The following CEP152 variants were observed in gnomAD, a reference collection of about 807,000 sequenced individuals.
CEP152 encodes centrosomal protein of 152 kDa.
Under a neutral mutation model 188.9 loss-of-function variants are expected in CEP152, and 132 were observed. That is an observed-to-expected ratio of 0.70 (90% CI 0.61 to 0.81). The LOEUF (loss-of-function observed/expected upper bound fraction) is 0.81. Among genes scored for constraint, CEP152 ranks in the 30% least tolerant of loss-of-function variants. CEP152 has a pLI of 0.00. For missense variants in CEP152, 1,914 were observed against 1,969.8 expected (o/e 0.97, Z 0.54); for synonymous variants, 649 against 666.6 (o/e 0.97, Z 0.41).
intron 6 of CEP152, among the ~76,000 whole-genome samples, chr15:48,794,830 A>G (rs1215128348): frequency 6.6e-6 from 1 of 152,242 alleles, no homozygotes; most frequent in Non-Finnish European, 1.5e-5. Context: ...CAAAAAACTT[A>G]AGAACAAAGA....
intron 2 of CEP152, among the ~76,000 whole-genome samples, chr15:48,803,979 T>G (rs1897826531): frequency 1.3e-5 from 2 of 152,218 alleles, no homozygotes; most frequent in Admixed American, 1.3e-4. Flanking sequence ...CCACAATTGT[T>G]GTGAGGGGCC....
chr15:48,734,190 AATATATAC>A (rs1290390393), downstream of CEP152, among the ~76,000 whole-genome samples: 1 of 150,782 alleles, frequency 6.6e-6, no homozygotes, highest in Non-Finnish European at 1.5e-5. Flanking sequence ...ATAACACTGT[AATATATAC>A]ATATATACAT....
chr15:48,748,642 A>C (rs2140618065), intron 21 of CEP152, 32 bp from the exon 22 acceptor site: 1 of 1,433,786 alleles, frequency 7.0e-7, no homozygotes, highest in East Asian at 2.6e-5. Context: ...AAACTTTTAT[A>C]TCAGTTTAGA....
chr15:48,806,363 T>C (rs780609295), intron 1 of CEP152, among the ~76,000 whole-genome samples: 2 of 151,968 alleles, frequency 1.3e-5, no homozygotes, highest in Non-Finnish European at 2.9e-5. Flanking sequence ...AGGAAATGGG[T>C]TTTCAACTAC....
At chr15:48,770,058 TG>T (rs1404838488) in intron 13 of CEP152, among the ~76,000 whole-genome samples, 3 of 152,270 alleles carry the variant, frequency 2.0e-5, no homozygotes, top group African/African-American at 4.8e-5. Flanking sequence ...CAGATTTATC[TG>T]TTCATTTAAC....
chr15:48,804,211 G>T (rs1374073504), intron 2 of CEP152, among the ~76,000 whole-genome samples: 2 of 152,232 alleles, frequency 1.3e-5, no homozygotes, highest in Non-Finnish European at 2.9e-5. Flanking sequence ...GGCTTTGGAT[G>T]TTTTTTAGAT....
Position 48,793,227 on chromosome 15 carries a change from T to G in CEP152, c.832+94A>C, listed in dbSNP as rs1897095352. The G allele has an allele frequency of 3.4e-6, 5 of 1,486,010 alleles. No individual in the cohort carries two copies. The South Asian group carries it at 5.7e-5, about 17-fold the overall frequency. 92.1% of individuals were successfully genotyped at this position (1,486,010 alleles called of 1,614,324 possible). A position where few individuals can be genotyped will look rare whatever the true frequency, so the allele number is the denominator to read the frequency against. On this transcript the variant is annotated intron_variant, in intron 7 of 26. Coordinates refer to ENST00000380950, the MANE Select transcript of CEP152 (RefSeq NM_001194998.2). The stretch of plus-strand genomic sequence containing the variant: ...CACTATGAGCCCTCTGACCAAGTGT[T>G]TTTACTCTCTAAGCTTCGTATGTAA...
intron 6 of CEP152, among the ~76,000 whole-genome samples, chr15:48,794,097 C>A (rs573604170): frequency 6.6e-5 from 10 of 152,004 alleles, no homozygotes; most frequent in Non-Finnish European, 1.2e-4. Context: ...GTACTATGTT[C>A]ACTATTTGGG....
intron 5 of CEP152, 102 bp from the exon 6 acceptor site, chr15:48,796,262 G>C: frequency 4.8e-6 from 6 of 1,241,598 alleles, no homozygotes; most frequent in Non-Finnish European, 6.9e-6. Context: ...ACTTACTTTT[G>C]GTACAGTTCA....
intron 18 of CEP152, among the ~76,000 whole-genome samples, chr15:48,760,564 T>C (rs2140702997): frequency 6.6e-6 from 1 of 152,282 alleles, no homozygotes; most frequent in South Asian, 2.1e-4. Context: ...TAACAACTCC[T>C]ATTTATCCTG....
intron 8 of CEP152, among the ~76,000 whole-genome samples, chr15:48,790,768 A>G (rs1896942750): frequency 6.6e-6 from 1 of 152,086 alleles, no homozygotes; most frequent in East Asian, 1.9e-4. Flanking sequence ...GGGTTTCACA[A>G]TGTTGGCCAG....
chr15:48,742,260 A>C (rs541209484), intron 24 of CEP152, among the ~76,000 whole-genome samples, 160 bp from the exon 25 acceptor site: 15 of 152,282 alleles, frequency 9.9e-5, no homozygotes, highest in African/African-American at 3.6e-4. Flanking sequence ...AATATTTTAG[A>C]TCATCATTTT....
intron 26 of CEP152, 167 bp downstream of exon 26, chr15:48,741,434 T>C (rs553411112): frequency 6.8e-7 from 1 of 1,474,362 alleles, no homozygotes; most frequent in East Asian, 2.5e-5. Flanking sequence ...CTACTTAAAT[T>C]GGAAACTGTG....
At chr15:48,808,869 A>T (rs1051408598) in intron 1 of CEP152, among the ~76,000 whole-genome samples, 1 of 152,180 alleles carries the variant, frequency 6.6e-6, no homozygotes, top group Non-Finnish European at 1.5e-5. Flanking sequence ...CTCAAGGCTG[A>T]CCACTTGAGA....
In CEP152 at chr15:48,738,486, A is replaced by T; in HGVS notation, c.4896T>A (p.Cys1632Ter). The T allele has an allele frequency of 6.2e-7, 1 of 1,614,238 alleles. No individual in the cohort carries two copies. The highest frequency in any genetic ancestry group is 8.5e-7 in the Non-Finnish European group (1 of 1,180,040). ...ACAGGTATGGAGTTTGATAACGCTG[A>T]CATTTCATTGTTTGACAAATCATAT... ...ESNMICQTMK[C>*]QRYQTPYLSE... Residue 1632 changes from cysteine to a stop codon, truncating the protein, a stop_gained, in exon 27 of 27, where the codon TGT becomes TGA. Transcript: ENST00000380950. LOFTEE classifies it low-confidence loss of function (END_TRUNC).
At chr15:48,783,038 A>G (rs1162824947) in intron 10 of CEP152, among the ~76,000 whole-genome samples, 3 of 152,142 alleles carry the variant, frequency 2.0e-5, no homozygotes, top group African/African-American at 7.2e-5. Context: ...TGAATAGCCC[A>G]CCCTTTCACA....
chr15:48,773,837 A>G (rs547660048), intron 12 of CEP152, among the ~76,000 whole-genome samples: 1 of 152,342 alleles, frequency 6.6e-6, no homozygotes, highest in East Asian at 1.9e-4. Context: ...TTTTAAAAAT[A>G]CAGTAATATC....
intron 12 of CEP152, among the ~76,000 whole-genome samples, chr15:48,776,081 T>C (rs1251128761): frequency 6.6e-6 from 1 of 151,560 alleles, no homozygotes; most frequent in South Asian, 2.1e-4. Context: ...GATAAGATAG[T>C]AGTTAGCCTC....
chr15:48,757,199 C>T (rs889620606), intron 19 of CEP152, among the ~76,000 whole-genome samples: 1 of 152,158 alleles, frequency 6.6e-6, no homozygotes, highest in African/African-American at 2.4e-5. Context: ...CAGAGGAAGC[C>T]TAGCACAGAT....
Sources: gnomAD v4.1 joint callset for allele counts (sites outside exome capture counted in the v4.1 genomes callset) on GRCh38, gnomAD v4.1.1 for gene constraint, MANE v1.5 for transcripts, NCBI Gene and HGNC (gene_info 2026-07-23, HGNC 2026-07-21) for gene names.